MAPK4: variants seen among roughly 807,000 people sequenced by gnomAD.
The protein encoded by MAPK4 is Erk3-related.
In MAPK4, 22 loss-of-function variants were observed where a neutral mutation model predicts 47.7. The ratio of observed to expected loss-of-function variants is 0.46; its 90% confidence interval spans 0.33 to 0.66. The LOEUF (loss-of-function observed/expected upper bound fraction) is 0.66. Ranked by LOEUF, MAPK4 falls within the 30% of genes least tolerant of loss-of-function variation. The pLI is 0.02. For missense variants in MAPK4, 736 were observed against 831.7 expected, an observed-to-expected ratio of 0.88 and a Z score of 1.42; for synonymous variants, 390 against 365.7, an observed-to-expected ratio of 1.07 and a Z score of -0.76.
chr18:50,578,523 A>T (rs2042317115), intron 1 of MAPK4, among the ~76,000 whole-genome samples: 1 of 152,242 alleles, frequency 6.6e-6, no homozygotes, highest in South Asian at 2.1e-4. Flanking sequence ...GTGATGGCAG[A>T]TGGTGCCTGT....
intron 1 of MAPK4, among the ~76,000 whole-genome samples, chr18:50,605,525 C>T (rs957992064): frequency 6.6e-6 from 1 of 152,222 alleles, no homozygotes; most frequent in African/African-American, 2.4e-5. Context: ...ACTCTTTATG[C>T]CCCTGCTCCT....
In MAPK4 at chr18:50,681,526, G is replaced by A. The variant is rs73431428; in HGVS notation, c.546+17022G>A. ...CAAGGTCATGAAGATTTATGCCTATGATTTCTTCAATTTTTGTAGTTTTAG... is the reference window on the plus strand; with the variant it reads ...CAAGGTCATGAAGATTTATGCCTATAATTTCTTCAATTTTTGTAGTTTTAG... On this transcript the variant is annotated intron_variant, in intron 2 of 5. Transcript: ENST00000400384. 4.0e-3 allele frequency among the ~76,000 whole-genome samples: 613 copies of A among 152,226 alleles called. 2 individuals carry two copies. Among genetic ancestry groups the A allele is most frequent in the African/African-American group, 0.014 (599 of 41,548 alleles).
intron 5 of MAPK4, among the ~76,000 whole-genome samples, chr18:50,728,779 G>A (rs1049857821): frequency 6.6e-6 from 1 of 152,188 alleles, no homozygotes; most frequent in African/African-American, 2.4e-5. Flanking sequence ...ACCCGCAGGT[G>A]ATTCGTGCAT....
intron 1 of MAPK4, among the ~76,000 whole-genome samples, chr18:50,655,896 CAA>C (rs1182323897): frequency 6.6e-6 from 1 of 152,168 alleles, no homozygotes; most frequent in African/African-American, 2.4e-5. Flanking sequence ...AATCTTACTG[CAA>C]ACATGGAGCC....
chr18:50,625,882 GCACA>G lies in MAPK4; in HGVS notation c.-870-37164_-870-37161del, dbSNP rs58870306. Among the ~76,000 whole-genome samples the G allele has an allele frequency of 5.0e-3, 730 of 145,430 alleles. 9 individuals are homozygous for G. Among genetic ancestry groups the G allele is most frequent in the African/African-American group, 0.013 (488 of 38,628 alleles). On this transcript the variant is annotated intron_variant, in intron 1 of 5. Coordinates refer to ENST00000400384, the MANE Select transcript of MAPK4 (RefSeq NM_002747.4). ...AGAAAAACCAATAGGGTGTGTGTAT[GCACA>G]CACACACACACACACACACACACAC...
chr18:50,705,838 A>C (rs569505919), intron 2 of MAPK4: 2 of 152,012 alleles, frequency 1.3e-5, no homozygotes, highest in East Asian at 1.9e-4. Context: ...CTATCTCCTT[A>C]CCCTGCTTTA....
chr18:50,627,284 A>G (rs576371378), intron 1 of MAPK4, among the ~76,000 whole-genome samples: 2 of 152,252 alleles, frequency 1.3e-5, no homozygotes, highest in Admixed American at 6.5e-5. Flanking sequence ...TGGAGGTGGG[A>G]AGGATTCCGA....
At chr18:50,645,272 A>G (rs1047487080) in intron 1 of MAPK4, among the ~76,000 whole-genome samples, 1 of 152,170 alleles carries the variant, frequency 6.6e-6, no homozygotes, top group Non-Finnish European at 1.5e-5. Context: ...AGCTGGGGTT[A>G]AAGATGAGAG....
intron 2 of MAPK4, among the ~76,000 whole-genome samples, chr18:50,696,999 G>T (rs1909548944): frequency 6.6e-6 from 1 of 152,146 alleles, no homozygotes; most frequent in Admixed American, 6.5e-5. Context: ...CAGAGACTTG[G>T]TGGTGGCCAG....
At chr18:50,657,620 A>C (rs902722253) in intron 1 of MAPK4, among the ~76,000 whole-genome samples, 8 of 152,074 alleles carry the variant, frequency 5.3e-5, no homozygotes, top group Non-Finnish European at 1.0e-4. Context: ...GATTGAGACC[A>C]GTGATTTTCA....
At chr18:50,646,498 C>A (rs2042990589) in intron 1 of MAPK4, among the ~76,000 whole-genome samples, 1 of 152,190 alleles carries the variant, frequency 6.6e-6, no homozygotes, top group Admixed American at 6.5e-5. Context: ...CGGAATGGAG[C>A]AGAGTGGCAC....
chr18:50,656,351 G>A (rs1465675155), intron 1 of MAPK4, among the ~76,000 whole-genome samples: 1 of 152,174 alleles, frequency 6.6e-6, no homozygotes, highest in Admixed American at 6.5e-5. Flanking sequence ...TCAGGGAAGG[G>A]TTGCTTCCAA....
intron 1 of MAPK4, among the ~76,000 whole-genome samples, chr18:50,593,673 G>T (rs554840101): frequency 5.9e-5 from 9 of 152,290 alleles, no homozygotes; most frequent in Middle Eastern, 6.8e-3. Flanking sequence ...ATAGATTGAT[G>T]CAGTCCCAGT....
intron 1 of MAPK4, among the ~76,000 whole-genome samples, chr18:50,592,727 T>C (rs2042448454): frequency 6.6e-6 from 1 of 152,214 alleles, no homozygotes; most frequent in African/African-American, 2.4e-5. Flanking sequence ...TTGCTTTTTG[T>C]TCATGACTTT....
chr18:50,632,196 C>T (rs777701251), intron 1 of MAPK4, among the ~76,000 whole-genome samples: 1 of 152,140 alleles, frequency 6.6e-6, no homozygotes, highest in Non-Finnish European at 1.5e-5. Context: ...TCCCCTGGGG[C>T]GGCGGCCTCC....
chr18:50,622,308 G>A (rs1429646094), intron 1 of MAPK4, among the ~76,000 whole-genome samples: 2 of 152,202 alleles, frequency 1.3e-5, no homozygotes, highest in African/African-American at 4.8e-5. Context: ...TGGGAAAGGG[G>A]GAAGAGGGAA....
At chr18:50,567,919 G>A (rs1010361676) in intron 1 of MAPK4, among the ~76,000 whole-genome samples, 15 of 152,062 alleles carry the variant, frequency 9.9e-5, no homozygotes, top group African/African-American at 3.6e-4. Flanking sequence ...AATTCCGGCT[G>A]GGCGCAGTGG....
intron 1 of MAPK4, among the ~76,000 whole-genome samples, chr18:50,638,362 T>C (rs1023609663): frequency 1.3e-5 from 2 of 152,210 alleles, no homozygotes; most frequent in African/African-American, 4.8e-5. Flanking sequence ...GACGTGAGCT[T>C]GCCTTTCAAA....
intron 2 of MAPK4, among the ~76,000 whole-genome samples, chr18:50,675,448 C>A (rs553836568): frequency 6.6e-6 from 1 of 152,148 alleles, no homozygotes; most frequent in East Asian, 1.9e-4. Context: ...TCCCAAGTAG[C>A]TGGGACTACA....
Sources: gnomAD v4.1 joint callset for allele counts (sites outside exome capture counted in the v4.1 genomes callset) on GRCh38, gnomAD v4.1.1 for gene constraint, MANE v1.5 for transcripts, NCBI Gene and HGNC (gene_info 2026-07-23, HGNC 2026-07-21) for gene names.